The following EIF4EBP3 variants were observed in gnomAD, a reference collection of about 807,000 sequenced individuals.
The protein encoded by EIF4EBP3 is eukaryotic translation initiation factor 4E binding protein 3.
EIF4EBP3 carries 11 observed loss-of-function variants against 12.1 expected under a neutral mutation model. That is an observed-to-expected ratio of 0.91 (90% CI 0.57 to 1.51). EIF4EBP3 has a LOEUF of 1.51. EIF4EBP3 is among the 40% of genes most tolerant of loss of function. The pLI, the probability that EIF4EBP3 is intolerant of heterozygous loss-of-function variation, is 0.00. For missense variants in EIF4EBP3, 136 were observed against 131.8 expected (o/e 1.03, Z -0.16); for synonymous variants, 43 against 54.2 (o/e 0.79, Z 0.91).
chr5:140,549,209 G>A (rs1167363620), intron 2 of EIF4EBP3, 25 bp from the exon 3 acceptor site: 1 of 1,614,074 alleles, frequency 6.2e-7, no homozygotes, highest in Admixed American at 1.7e-5. Flanking sequence ...CCAGCAACCT[G>A]TCTTCCTGCC....
rs1413198749 is a variant in EIF4EBP3, at chr5:140,547,690, C to G, written c.-48C>G. On this transcript the variant is annotated 5_prime_UTR_variant, in exon 1 of 3. Transcript: ENST00000310331. Reference sequence around the variant, plus strand: ...TCCGCCTCAGACTCAGAGCTGCGCTCCTCGACCTCAACGCCAGGCGGTTAC... The same window carrying G: ...TCCGCCTCAGACTCAGAGCTGCGCTGCTCGACCTCAACGCCAGGCGGTTAC... 6.6e-7 allele frequency: 1 copy of G among 1,507,948 alleles called. No homozygotes were observed. Among genetic ancestry groups the G allele is most frequent in the Admixed American group, 2.0e-5 (1 of 50,176 alleles). 93.4% of individuals were successfully genotyped at this position (1,507,948 alleles called of 1,614,324 possible).
chr5:140,547,710 G>T lies in EIF4EBP3; in HGVS notation c.-28G>T. 6.5e-7 allele frequency: 1 copy of T among 1,541,308 alleles called. No individual in the cohort carries two copies. The highest frequency in any genetic ancestry group is 8.8e-7 in the Non-Finnish European group (1 of 1,140,098). On this transcript the variant is annotated 5_prime_UTR_variant, in exon 1 of 3. Coordinates refer to ENST00000310331, the MANE Select transcript of EIF4EBP3 (RefSeq NM_003732.3). ...GCGCTCCTCGACCTCAACGCCAGGC[G>T]GTTACTTTGCTGCTCCTCCCGCTCG...
chr5:140,548,927 G>T lies in EIF4EBP3; in HGVS notation c.125G>T (p.Arg42Leu), dbSNP rs372726703. ...ACAGGCACCAGGATCATCTACGACC[G>T]AAAGTTCCTGCTGGAGTGCAAGAAC... ...TPGGTRIIYD[R>L]KFLLECKNSP... Residue 42 changes from arginine (R) to leucine (L), a missense_variant, in exon 2 of 3, where the codon CGA (arginine) becomes CTA (leucine). Transcript: ENST00000310331. 42 of 1,613,856 alleles carry T rather than the reference G, an allele frequency of 2.6e-5. No individual in the cohort carries two copies. The highest frequency in any genetic ancestry group is 5.0e-5 in the Admixed American group (3 of 59,986).
Position 140,547,846 on chromosome 5 carries a change from C to G in EIF4EBP3, c.103+6C>G. On this transcript the variant is annotated splice_donor_region_variant and intron_variant, in intron 1 of 2. Transcript: ENST00000310331. ...ATACGCCACTACCCCCGGAGGTCAGCGGGCCGGGCAGGGGTCCGCAGGCTG... is the reference window on the plus strand; with the variant it reads ...ATACGCCACTACCCCCGGAGGTCAGGGGGCCGGGCAGGGGTCCGCAGGCTG... 1 of 1,435,150 alleles carries G rather than the reference C, an allele frequency of 7.0e-7. No individual in the cohort carries two copies. Among genetic ancestry groups the G allele is most frequent in the East Asian group, 2.9e-5 (1 of 34,484 alleles). 88.9% of individuals were successfully genotyped at this position (1,435,150 alleles called of 1,614,324 possible).
At chr5:140,548,256 T>G (rs1409954370) in intron 1 of EIF4EBP3, among the ~76,000 whole-genome samples, 1 of 152,216 alleles carries the variant, frequency 6.6e-6, no homozygotes, top group Non-Finnish European at 1.5e-5. Flanking sequence ...GTCTGTTTGG[T>G]TGGGCGAGCA....
At chr5:140,549,130 G>A (rs1754466618) in intron 2 of EIF4EBP3, 54 bp downstream of exon 2, 2 of 1,614,100 alleles carry the variant, frequency 1.2e-6, no homozygotes, top group East Asian at 4.5e-5. Context: ...AAATGCCACT[G>A]TGACACAGTG....
Position 140,547,809 on chromosome 5 carries a change from G to T in EIF4EBP3, c.72G>T (p.Pro24=). ...DQLPDCYSTT[P]GGTLYATTPG... The stretch of plus-strand genomic sequence containing the variant: ...TGCCCGACTGCTACAGCACCACGCC[G>T]GGGGGCACGCTATACGCCACTACCC... Residue 24 remains proline (P), a synonymous_variant, in exon 1 of 3, where the codon CCG becomes CCT. Coordinates refer to ENST00000310331, the MANE Select transcript of EIF4EBP3 (RefSeq NM_003732.3). The T allele has an allele frequency of 6.6e-7, 1 of 1,522,378 alleles. No individual in the cohort carries two copies. The highest frequency in any genetic ancestry group is 8.8e-7 in the Non-Finnish European group (1 of 1,132,432). The allele number at this position is 1,522,378 out of a possible 1,614,324, so 94.3% of individuals were successfully genotyped here. A position where few individuals can be genotyped will look rare whatever the true frequency, so the allele number is the denominator to read the frequency against.
rs747892959 is a variant in EIF4EBP3, at chr5:140,549,036, GGAGGAGC to G, written c.235_241del (p.Glu79Ter). Reference sequence around the variant, plus strand: ...CTCCAACAGCCCCTCTCTCCAAGCTGGAGGAGCTGAAGGAGCAGGAGACAGAGGAAGA... The same window carrying G: ...CTCCAACAGCCCCTCTCTCCAAGCTGTGAAGGAGCAGGAGACAGAGGAAGA... On this transcript the variant is annotated frameshift_variant, in exon 2 of 3. Coordinates refer to ENST00000310331, the MANE Select transcript of EIF4EBP3 (RefSeq NM_003732.3). LOFTEE classifies it high-confidence loss of function. 6.1e-4 allele frequency: 983 copies of G among 1,614,100 alleles called. No homozygotes were observed. Among genetic ancestry groups the G allele is most frequent in the Non-Finnish European group, 7.8e-4 (921 of 1,179,996 alleles).
In EIF4EBP3 at chr5:140,549,516, G is replaced by A. The variant is rs1754480576; in HGVS notation, c.*254G>A. 6.9e-6 allele frequency: 4 copies of A among 577,530 alleles called. No homozygotes were observed. Among genetic ancestry groups the A allele is most frequent in the Non-Finnish European group, 1.2e-5 (4 of 324,936 alleles). The allele number at this position is 577,530 out of a possible 1,614,324, so 35.8% of individuals were successfully genotyped here. ...CTAACCCTAAACCCTCTATGCTCAG[G>A]GGCTGGAACTGGGGAATGGAGTAAG... On this transcript the variant is annotated 3_prime_UTR_variant, in exon 3 of 3. Coordinates refer to ENST00000310331, the MANE Select transcript of EIF4EBP3 (RefSeq NM_003732.3).
At chr5:140,548,036 T>C (rs1754420841) in intron 1 of EIF4EBP3, among the ~76,000 whole-genome samples, 196 bp downstream of exon 1, 1 of 152,352 alleles carries the variant, frequency 6.6e-6, no homozygotes, top group South Asian at 2.1e-4. Flanking sequence ...GCCATGAGCC[T>C]AGCTTCCGGG....
chr5:140,549,251 A>G lies in EIF4EBP3; in HGVS notation c.292A>G (p.Met98Val). 1 of 1,614,184 alleles carries G rather than the reference A, an allele frequency of 6.2e-7. No individual in the cohort carries two copies. Among genetic ancestry groups the G allele is most frequent in the Non-Finnish European group, 8.5e-7 (1 of 1,180,034 alleles). Residue 98 changes from methionine (M) to valine (V), a missense_variant, in exon 3 of 3, where the codon ATG becomes GTG. Coordinates refer to ENST00000310331, the MANE Select transcript of EIF4EBP3 (RefSeq NM_003732.3). Reference protein sequence around the residue: ...EEIPDDAQFEMDI With the variant: ...EEIPDDAQFEVDI ...CTCTCCAGATGACGCACAATTTGAA[A>G]TGGACATCTAATCCAGTGCAGATGA...
chr5:140,548,827 CAA>C, intron 1 of EIF4EBP3, 77 bp from the exon 2 acceptor site: 2 of 1,524,364 alleles, frequency 1.3e-6, no homozygotes, highest in Non-Finnish European at 1.8e-6. Context: ...CTCCAGGCCC[CAA>C]AAGGCCTGAG....
chr5:140,548,810 C>T (rs1754451847), intron 1 of EIF4EBP3, 96 bp from the exon 2 acceptor site: 2 of 1,487,388 alleles, frequency 1.3e-6, no homozygotes, highest in Admixed American at 2.4e-5. Flanking sequence ...TTTGACACCA[C>T]CCTCACCTCC....
Position 140,547,667 on chromosome 5 carries a change from C to T in EIF4EBP3, c.-71C>T, listed in dbSNP as rs1754410099. ...GCAGCTGCACGTGGTCGGCTGAGTC[C>T]GCCTCAGACTCAGAGCTGCGCTCCT... On this transcript the variant is annotated 5_prime_UTR_variant, in exon 1 of 3. Coordinates refer to ENST00000310331, the MANE Select transcript of EIF4EBP3 (RefSeq NM_003732.3). 5 of 1,352,236 alleles carry T rather than the reference C, an allele frequency of 3.7e-6. No individual in the cohort carries two copies. In the African/African-American group the frequency reaches 5.9e-5, roughly 16 times the overall value. The allele number at this position is 1,352,236 out of a possible 1,614,324, so 83.8% of individuals were successfully genotyped here.
rs1225347187 is a variant in EIF4EBP3 at position 140,547,727 on chromosome 5, T to C, written c.-11T>C. The C allele has an allele frequency of 2.6e-6, 4 of 1,545,924 alleles. No homozygotes were observed. The highest frequency in any genetic ancestry group is 3.5e-6 in the Non-Finnish European group (4 of 1,144,210). ...CGCCAGGCGGTTACTTTGCTGCTCC[T>C]CCCGCTCGCTATGTCAACGTCCACT... On this transcript the variant is annotated 5_prime_UTR_variant, in exon 1 of 3. Coordinates refer to ENST00000310331, the MANE Select transcript of EIF4EBP3 (RefSeq NM_003732.3).
At chr5:140,548,009 C>A (rs923127529) in intron 1 of EIF4EBP3, among the ~76,000 whole-genome samples, 169 bp downstream of exon 1, 17 of 152,256 alleles carry the variant, frequency 1.1e-4, no homozygotes, top group Admixed American at 6.5e-4. Context: ...CCAAAAACTT[C>A]TAAGTGATGC....
At chr5:140,547,863 C>G (rs1473185564) in intron 1 of EIF4EBP3, 23 bp downstream of exon 1, 3 of 1,415,244 alleles carry the variant, frequency 2.1e-6, no homozygotes, top group Admixed American at 6.2e-5. Context: ...GGCAGGGGTC[C>G]GCAGGCTGCG....
At position 140,549,485 on chromosome 5, in the gene EIF4EBP3, C is replaced by T. The variant is rs922151529; in HGVS notation, c.*223C>T. On this transcript the variant is annotated 3_prime_UTR_variant, in exon 3 of 3. Transcript: ENST00000310331. Reference sequence around the variant, plus strand: ...TCTACTTCCTCTTCAGTCTGTGGTACTCCTCCTAACCCTAAACCCTCTATG... The same window carrying T: ...TCTACTTCCTCTTCAGTCTGTGGTATTCCTCCTAACCCTAAACCCTCTATG... 2.0e-5 allele frequency: 13 copies of T among 661,930 alleles called. No homozygotes were observed. Among genetic ancestry groups the T allele is most frequent in the South Asian group, 1.8e-4 (10 of 55,774 alleles). 41.0% of individuals were successfully genotyped at this position (661,930 alleles called of 1,614,324 possible). A position where few individuals can be genotyped will look rare whatever the true frequency, so the allele number is the denominator to read the frequency against.
rs1754463832 is a variant in EIF4EBP3, at chr5:140,549,057, G to A, written c.255G>A (p.Glu85=). 4 of 1,614,002 alleles carry A rather than the reference G, an allele frequency of 2.5e-6. No individual in the cohort carries two copies. Among genetic ancestry groups the A allele is most frequent in the Admixed American group, 1.7e-5 (1 of 60,000 alleles). ...LSKLEELKEQ[E]TEEEIPDDAQ... ...AGCTGGAGGAGCTGAAGGAGCAGGA[G>A]ACAGAGGAAGAGATACCCGGTAAGG... Residue 85 remains glutamate (E), a synonymous_variant, in exon 2 of 3, where the codon GAG becomes GAA. Coordinates refer to ENST00000310331, the MANE Select transcript of EIF4EBP3 (RefSeq NM_003732.3).
Sources: gnomAD v4.1 joint callset for allele counts (sites outside exome capture counted in the v4.1 genomes callset) on GRCh38, gnomAD v4.1.1 for gene constraint, MANE v1.5 for transcripts, NCBI Gene and HGNC (gene_info 2026-07-23, HGNC 2026-07-21) for gene names.